The following LRBA variants were observed in gnomAD, a reference collection of about 807,000 sequenced individuals.
LRBA encodes the protein LPS responsive beige-like anchor protein, also known as lipopolysaccharide-responsive and beige-like anchor protein.
In LRBA, 176 loss-of-function variants were observed where a neutral mutation model predicts 330.0. The ratio of observed to expected loss-of-function variants is 0.53; its 90% CI spans 0.47 to 0.60. LRBA has a LOEUF of 0.60. Among genes scored for constraint, LRBA ranks in the 20% least tolerant of loss-of-function variants. The probability of loss-of-function intolerance (pLI) is 0.00; values close to 1 mark genes in which losing one functional copy is unlikely to be tolerated. For missense variants in LRBA, 3,259 were observed against 3,444.8 expected (o/e 0.95, Z 1.35); for synonymous variants, 1,230 against 1,193.0 (o/e 1.03, Z -0.64).
At chr4:150,650,113 G>A (rs956873245) in intron 37 of LRBA, among the ~76,000 whole-genome samples, 8 of 152,252 alleles carry the variant, frequency 5.3e-5, no homozygotes, top group Middle Eastern at 3.4e-3. Context: ...TACTTGGTGA[G>A]GTTAAGTGAC....
chr4:150,828,048 G>T, intron 30 of LRBA, 132 bp downstream of exon 30: 1 of 682,788 alleles, frequency 1.5e-6, no homozygotes, highest in Non-Finnish European at 2.5e-6. Context: ...TAAGCTATTG[G>T]TAGTTAAGTT....
chr4:150,696,779 C>G (rs933940773), intron 36 of LRBA, among the ~76,000 whole-genome samples: 2 of 148,888 alleles, frequency 1.3e-5, no homozygotes, highest in Admixed American at 1.3e-4. Flanking sequence ...GCGAGGCAGG[C>G]AAATGAATAC....
chr4:150,870,504 TA>T lies in LRBA; in HGVS notation c.2449+20del, dbSNP rs1426225210. The T allele has an allele frequency of 7.2e-7, 1 of 1,379,326 alleles. No individual in the cohort carries two copies. The highest frequency in any genetic ancestry group is 1.7e-5 in the Admixed American group (1 of 58,258). The allele number at this position is 1,379,326 out of a possible 1,614,324, so 85.4% of individuals were successfully genotyped here. A position where few individuals can be genotyped will look rare whatever the true frequency, so the allele number is the denominator to read the frequency against. On this transcript the variant is annotated intron_variant, in intron 20 of 56. Coordinates refer to ENST00000651943, the MANE Select transcript of LRBA (RefSeq NM_001364905.1). ...TTAAGTAGCAAAAGGTAGTTTTTGT[TA>T]AAGTATATAAAATACATACGAGGGT...
chr4:150,598,949 T>C (rs1773808483), intron 38 of LRBA, 58 bp downstream of exon 38: 3 of 1,578,844 alleles, frequency 1.9e-6, no homozygotes, highest in Non-Finnish European at 2.6e-6. Flanking sequence ...GAAGTTATGC[T>C]CTTCATTACC....
intron 40 of LRBA, chr4:150,579,748 G>T (rs1324270890): frequency 2.2e-6 from 1 of 455,950 alleles, no homozygotes; most frequent in African/African-American, 2.0e-5. Flanking sequence ...AGGAGAAGGC[G>T]CAGGACTTGC....
chr4:150,302,750 G>C lies in LRBA; in HGVS notation c.7892C>G (p.Thr2631Ser). The change falls in exon 53 of 57, where the codon ACT becomes AGT. Residue 2631 changes from threonine to serine, a missense_variant. Thr to Ser is a moderately conservative substitution (Grantham distance 58). Transcript: ENST00000651943. ...ATATGACTCAGAACGAGCAAGGCAA[G>C]TGACGACATCCCAATGGCCAAACAC... ...QVVFGHWDVV[T>S]CLARSESYIG... The C allele has an allele frequency of 6.2e-7, 1 of 1,609,876 alleles. No homozygotes were observed. Among genetic ancestry groups the C allele is most frequent in the Non-Finnish European group, 8.5e-7 (1 of 1,177,660 alleles).
At position 150,928,563 on chromosome 4, in the gene LRBA, C is replaced by T. The variant is rs760735067; in HGVS notation, c.502G>A (p.Glu168Lys). The T allele has an allele frequency of 1.9e-6, 3 of 1,613,770 alleles. No homozygotes were observed. Among genetic ancestry groups the T allele is most frequent in the South Asian group, 1.1e-5 (1 of 91,044 alleles). Reference sequence around the variant, plus strand: ...AGTTTACTGAAGAAAAGCTTTAGCTCGCGAACTGTCAAATTATAGCTAGCC... The same window carrying T: ...AGTTTACTGAAGAAAAGCTTTAGCTTGCGAACTGTCAAATTATAGCTAGCC... ...VLASYNLTVR[E>K]LKLFFSKLQG... is the part of the protein sequence containing the mutation. The change falls in exon 4 of 57, where the codon GAG becomes AAG. Residue 168 changes from glutamate (E) to lysine (K), a missense_variant. Glu to Lys is a moderately conservative substitution (Grantham distance 56, BLOSUM62 1). Coordinates refer to ENST00000651943, the MANE Select transcript of LRBA (RefSeq NM_001364905.1).
intron 2 of LRBA, among the ~76,000 whole-genome samples, chr4:150,939,760 G>C (rs551500462): frequency 1.3e-3 from 203 of 152,248 alleles, no homozygotes; most frequent in Non-Finnish European, 2.4e-3. Flanking sequence ...ACTCTCCTTA[G>C]AGAAAGAGGT....
At chr4:150,305,087 G>C (rs1366814881) in intron 52 of LRBA, among the ~76,000 whole-genome samples, 1 of 152,206 alleles carries the variant, frequency 6.6e-6, no homozygotes, top group Admixed American at 6.5e-5. Context: ...GGTTGTAGGA[G>C]TGAGGAGGAG....
At chr4:150,947,187 C>T (rs1025032336) in intron 2 of LRBA, among the ~76,000 whole-genome samples, 2 of 150,014 alleles carry the variant, frequency 1.3e-5, no homozygotes, top group Admixed American at 1.3e-4. Flanking sequence ...ATCCATTTTA[C>T]GAAGCTACTA....
chr4:150,683,118 T>C (rs991883591), intron 37 of LRBA, among the ~76,000 whole-genome samples: 3 of 152,132 alleles, frequency 2.0e-5, no homozygotes, highest in Admixed American at 6.5e-5. Flanking sequence ...AAAATTATAC[T>C]TTGAAAATAT....
At chr4:150,587,651 C>G (rs1772283864) in intron 40 of LRBA, among the ~76,000 whole-genome samples, 1 of 152,094 alleles carries the variant, frequency 6.6e-6, no homozygotes, top group Non-Finnish European at 1.5e-5. Flanking sequence ...GGGGACAAAG[C>G]AAGGAGAGTG....
intron 35 of LRBA, among the ~76,000 whole-genome samples, chr4:150,744,073 C>T (rs1732374635): frequency 6.6e-6 from 1 of 151,826 alleles, no homozygotes; most frequent in African/African-American, 2.4e-5. Flanking sequence ...TATTTTTTTT[C>T]AAATGCTATT....
rs146375137 is a variant in LRBA, at chr4:150,879,859, G to A, written c.2166-7104C>T. Among the ~76,000 whole-genome samples the A allele has an allele frequency of 1.0e-3, 153 of 152,056 alleles. No individual in the cohort carries two copies. In the East Asian group the frequency reaches 0.018, roughly 18 times the overall value. ...TTCCATACTATTCCTACAAAACTAC[G>A]AATGTGATTTTTCACAGAACTAGAA... On this transcript the variant is annotated intron_variant, in intron 17 of 56. Coordinates refer to ENST00000651943, the MANE Select transcript of LRBA (RefSeq NM_001364905.1).
intron 47 of LRBA, among the ~76,000 whole-genome samples, chr4:150,403,560 TCCCTTCTCCTTC>T (rs1381230883): frequency 2.0e-5 from 3 of 152,192 alleles, no homozygotes; most frequent in South Asian, 2.1e-4. Flanking sequence ...CCTTCTCCTT[TCCCTTCTCCTTC>T]CCCTTCTTTT....
chr4:150,692,924 C>G (rs759441310), intron 36 of LRBA, among the ~76,000 whole-genome samples: 6 of 152,070 alleles, frequency 3.9e-5, no homozygotes, highest in Non-Finnish European at 5.9e-5. Flanking sequence ...TCAAGTAATT[C>G]CACCATACAG....
At chr4:150,808,244 A>C in intron 32 of LRBA, 76 bp downstream of exon 32, 3 of 885,634 alleles carry the variant, frequency 3.4e-6, no homozygotes, top group Non-Finnish European at 5.5e-6. Flanking sequence ...AATGAAACGA[A>C]GTAAAATAAA....
At chr4:150,828,104 G>A (rs373540338) in intron 30 of LRBA, 76 bp downstream of exon 30, 26 of 1,369,468 alleles carry the variant, frequency 1.9e-5, no homozygotes, top group South Asian at 9.4e-5. Flanking sequence ...TACACAGGGC[G>A]TCATCATCCC....
At chr4:150,658,073 C>A (rs1780390927) in intron 37 of LRBA, among the ~76,000 whole-genome samples, 1 of 152,014 alleles carries the variant, frequency 6.6e-6, no homozygotes, top group Non-Finnish European at 1.5e-5. Context: ...GAGGATGACA[C>A]CACGCTAAGG....
Sources: allele counts gnomAD v4.1 joint callset (sites outside exome capture counted in the v4.1 genomes callset), GRCh38; gene constraint gnomAD v4.1.1; transcripts MANE v1.5; gene names NCBI Gene and HGNC (gene_info 2026-07-23, HGNC 2026-07-21).